The following SGMS1 variants were observed in gnomAD, a reference collection of about 807,000 sequenced individuals.
The protein encoded by SGMS1 is phosphatidylcholine:ceramide cholinephosphotransferase 1.
Under a neutral mutation model 46.2 loss-of-function variants are expected in SGMS1, and 13 were observed. That is an observed-to-expected ratio of 0.28 (90% CI 0.18 to 0.45). SGMS1 has a LOEUF of 0.45. SGMS1 is among the 20% of genes least tolerant of loss of function. The probability of loss-of-function intolerance (pLI) is 1.00; values close to 1 mark genes in which losing one functional copy is unlikely to be tolerated. For missense variants in SGMS1, 324 were observed against 519.9 expected (o/e 0.62, Z 3.66); for synonymous variants, 203 against 187.8 (o/e 1.08, Z -0.66).
At chr10:50,505,909 C>T (rs1455815816) in intron 3 of SGMS1, among the ~76,000 whole-genome samples, 1 of 152,178 alleles carries the variant, frequency 6.6e-6, no homozygotes, top group African/African-American at 2.4e-5. Flanking sequence ...TGACCCCACT[C>T]CCACCCAAAC....
At chr10:50,343,372 G>GAA in intron 7 of SGMS1, 120 bp downstream of exon 7, 4 of 1,152,556 alleles carry the variant, frequency 3.5e-6, no homozygotes, top group East Asian at 2.7e-5. Context: ...GTTTAAAAAA[G>GAA]AAAAAAAAAT....
intron 6 of SGMS1, among the ~76,000 whole-genome samples, chr10:50,388,557 G>A (rs1040414592): frequency 1.3e-5 from 2 of 150,884 alleles, no homozygotes; most frequent in East Asian, 3.9e-4. Context: ...AGGCTGCAGC[G>A]AGCTAAGTTC....
At chr10:50,351,674 C>CT (rs1182176166) in intron 6 of SGMS1, among the ~76,000 whole-genome samples, 1 of 152,140 alleles carries the variant, frequency 6.6e-6, no homozygotes, top group Non-Finnish European at 1.5e-5. Flanking sequence ...TCTCTTGCCG[C>CT]CACCATGTAA....
chr10:50,527,063 CAAAAAAAAAAAAAAA>C (rs573386594), intron 2 of SGMS1, among the ~76,000 whole-genome samples: 5 of 90,804 alleles, frequency 5.5e-5, no homozygotes, highest in Non-Finnish European at 8.0e-5. Context: ...GACTCTGTCT[CAAAAAAAAAAAAAAA>C]AAAAAAAAAA....
chr10:50,523,730 AAC>A (rs1837875561), intron 2 of SGMS1, among the ~76,000 whole-genome samples: 2 of 152,258 alleles, frequency 1.3e-5, no homozygotes, highest in South Asian at 4.1e-4. Flanking sequence ...TTAGAAAATA[AAC>A]AGTCAAAAAT....
chr10:50,458,449 G>A (rs1352312122), intron 5 of SGMS1, among the ~76,000 whole-genome samples: 2 of 142,034 alleles, frequency 1.4e-5, no homozygotes, highest in South Asian at 2.3e-4. Context: ...TCCGCCTCCC[G>A]GGTTCACGCC....
intron 3 of SGMS1, among the ~76,000 whole-genome samples, chr10:50,508,201 C>T (rs981859523): frequency 6.6e-6 from 1 of 152,152 alleles, no homozygotes; most frequent in Non-Finnish European, 1.5e-5. Flanking sequence ...ATAAGAGCAC[C>T]TCAAACATTT....
At chr10:50,325,630 T>C (rs1847518605) in intron 8 of SGMS1, among the ~76,000 whole-genome samples, 1 of 152,214 alleles carries the variant, frequency 6.6e-6, no homozygotes, top group Non-Finnish European at 1.5e-5. Context: ...GCTCACCAAG[T>C]ATGGGCTTGC....
intron 5 of SGMS1, among the ~76,000 whole-genome samples, chr10:50,441,929 A>T (rs1849551117): frequency 6.6e-6 from 1 of 152,192 alleles, no homozygotes; most frequent in South Asian, 2.1e-4. Context: ...ACTTGGTAAC[A>T]GAGGAATAAA....
At chr10:50,441,583 T>A (rs1247642528) in intron 5 of SGMS1, among the ~76,000 whole-genome samples, 3 of 152,226 alleles carry the variant, frequency 2.0e-5, no homozygotes, top group South Asian at 2.1e-4. Context: ...CAATAAGGTG[T>A]CTGCAGAGGA....
intron 5 of SGMS1, among the ~76,000 whole-genome samples, chr10:50,438,578 G>A (rs1018585494): frequency 7.9e-5 from 12 of 152,290 alleles, no homozygotes; most frequent in East Asian, 7.7e-4. Context: ...CCAGACTCCC[G>A]ACCCACAGAA....
At chr10:50,592,039 C>T (rs1266166116) in intron 1 of SGMS1, among the ~76,000 whole-genome samples, 1 of 152,170 alleles carries the variant, frequency 6.6e-6, no homozygotes, top group Non-Finnish European at 1.5e-5. Context: ...GAACCTCTTC[C>T]GGCTGCTTCC....
intron 5 of SGMS1, among the ~76,000 whole-genome samples, chr10:50,451,693 T>G (rs535547740): frequency 6.6e-6 from 1 of 152,286 alleles, no homozygotes; most frequent in South Asian, 2.1e-4. Flanking sequence ...CATAACAGCA[T>G]GTGATTCATT....
intron 5 of SGMS1, among the ~76,000 whole-genome samples, chr10:50,437,943 A>G (rs1849496007): frequency 6.6e-6 from 1 of 152,206 alleles, no homozygotes; most frequent in African/African-American, 2.4e-5. Context: ...GTTGCTTCCA[A>G]AGGCAGGGTT....
At chr10:50,601,172 T>TA (rs1344788801) in intron 1 of SGMS1, among the ~76,000 whole-genome samples, 1 of 152,062 alleles carries the variant, frequency 6.6e-6, no homozygotes, top group Non-Finnish European at 1.5e-5. Context: ...AATGAGCTAA[T>TA]AAAAAGAGGT....
intron 6 of SGMS1, among the ~76,000 whole-genome samples, chr10:50,347,009 T>C (rs1040785946): frequency 6.6e-6 from 1 of 152,168 alleles, no homozygotes; most frequent in South Asian, 2.1e-4. Flanking sequence ...TTTCAGTCCA[T>C]ATAACAACCA....
At chr10:50,527,063 C>CAAAAAAAAAAAAAA (rs573386594) in intron 2 of SGMS1, among the ~76,000 whole-genome samples, 2 of 90,802 alleles carry the variant, frequency 2.2e-5, no homozygotes, top group Non-Finnish European at 4.0e-5. Flanking sequence ...GACTCTGTCT[C>CAAAAAAAAAAAAAA]AAAAAAAAAA....
intron 1 of SGMS1, among the ~76,000 whole-genome samples, chr10:50,622,956 A>C (rs934724374): frequency 2.0e-5 from 3 of 152,202 alleles, no homozygotes; most frequent in African/African-American, 7.2e-5. Context: ...CTGTCACGGA[A>C]AAGCGGCGTC....
intron 7 of SGMS1, among the ~76,000 whole-genome samples, chr10:50,336,515 A>G (rs1364029855): frequency 2.0e-5 from 3 of 152,210 alleles, no homozygotes; most frequent in Non-Finnish European, 4.4e-5. Flanking sequence ...ATGGACGGCT[A>G]TCAAAGTTGG....
Sources: allele counts gnomAD v4.1 joint callset (sites outside exome capture counted in the v4.1 genomes callset), GRCh38; gene constraint gnomAD v4.1.1; transcripts MANE v1.5; gene names NCBI Gene and HGNC (gene_info 2026-07-23, HGNC 2026-07-21).